DLGAP1: variants seen among roughly 807,000 people sequenced by gnomAD.
DLGAP1 encodes the protein DLG associated protein 1.
In DLGAP1, 11 loss-of-function variants were observed where a neutral mutation model predicts 90.8. The ratio of observed to expected loss-of-function variants is 0.12; its 90% CI spans 0.08 to 0.20. The LOEUF (loss-of-function observed/expected upper bound fraction) is 0.20, where lower values mean the gene tolerates loss of function less well. Ranked by LOEUF, DLGAP1 falls within the 10% of genes least tolerant of loss-of-function variation. The probability of loss-of-function intolerance (pLI) is 1.00; values close to 1 mark genes in which losing one functional copy is unlikely to be tolerated. For missense variants in DLGAP1, 1,050 were observed against 1,333.8 expected (o/e 0.79, Z 3.31); for synonymous variants, 558 against 540.7 (o/e 1.03, Z -0.44).
chr18:4,258,846 G>A (rs1433283952), intron 1 of DLGAP1, among the ~76,000 whole-genome samples: 1 of 151,992 alleles, frequency 6.6e-6, no homozygotes, highest in Non-Finnish European at 1.5e-5. Context: ...ATGAACAAAA[G>A]CCCTGCATGA....
intron 1 of DLGAP1, among the ~76,000 whole-genome samples, chr18:4,336,708 T>C (rs1185138715): frequency 6.6e-6 from 1 of 152,164 alleles, no homozygotes; most frequent in East Asian, 1.9e-4. Context: ...ATTTTACTAT[T>C]AACAGTTGAT....
At chr18:3,870,517 C>T (rs945562466) in intron 4 of DLGAP1, among the ~76,000 whole-genome samples, 1 of 152,112 alleles carries the variant, frequency 6.6e-6, no homozygotes, top group Non-Finnish European at 1.5e-5. Context: ...GCTGCAGTTG[C>T]TCCCATTTAA....
intron 7 of DLGAP1, among the ~76,000 whole-genome samples, chr18:3,600,897 TATATAGATATATAG>T (rs2056941270): frequency 1.6e-5 from 2 of 127,202 alleles, no homozygotes; most frequent in African/African-American, 5.7e-5. Flanking sequence ...TATATAGATA[TATATAGATATATAG>T]ATAGATATAG....
chr18:3,745,865 T>C (rs950443162), intron 5 of DLGAP1, among the ~76,000 whole-genome samples: 3 of 152,002 alleles, frequency 2.0e-5, no homozygotes, highest in Non-Finnish European at 2.9e-5. Flanking sequence ...AATTTTTGTA[T>C]TTTTGTAGAG....
chr18:3,630,147 A>T (rs1360599131), intron 7 of DLGAP1, among the ~76,000 whole-genome samples: 1 of 152,226 alleles, frequency 6.6e-6, no homozygotes, highest in Non-Finnish European at 1.5e-5. Flanking sequence ...CATTGGAATC[A>T]GTAGACTGAG....
intron 1 of DLGAP1, among the ~76,000 whole-genome samples, chr18:4,203,973 C>T (rs1024076336): frequency 1.8e-4 from 27 of 152,158 alleles, no homozygotes; most frequent in African/African-American, 4.6e-4. Context: ...GTAGCATCTC[C>T]GCAAACACAA....
At position 3,898,000 on chromosome 18, in the gene DLGAP1, T is replaced by C. The variant is rs560185581; in HGVS notation, c.-72-17860A>G. ...TAGTAGAGACGGGGTTTCACCTTGT[T>C]AGCCAGGATGGTCTCGATCTCCTGA... On this transcript the variant is annotated intron_variant, in intron 3 of 12. Coordinates refer to ENST00000315677, the MANE Select transcript of DLGAP1 (RefSeq NM_004746.4). 3.0e-3 allele frequency among the ~76,000 whole-genome samples: 449 copies of C among 152,106 alleles called. 3 individuals are homozygous for C. Among genetic ancestry groups the C allele is most frequent in the South Asian group, 0.013 (63 of 4,814 alleles).
intron 7 of DLGAP1, among the ~76,000 whole-genome samples, chr18:3,666,417 CGA>C: frequency 6.6e-6 from 1 of 152,252 alleles, no homozygotes; most frequent in South Asian, 2.1e-4. Flanking sequence ...AAGCCAGACC[CGA>C]GTTTCCTAGG....
intron 2 of DLGAP1, among the ~76,000 whole-genome samples, chr18:4,071,235 T>A (rs2075441748): frequency 2.1e-5 from 1 of 48,394 alleles, no homozygotes; most frequent in Admixed American, 1.3e-4. Context: ...TATAAAGATA[T>A]ACATGTGTGT....
At chr18:3,502,231 CTTAAAGT>C in intron 12 of DLGAP1, 1 of 1,339,438 alleles carries the variant, frequency 7.5e-7, no homozygotes, top group Non-Finnish European at 9.5e-7. Context: ...AATGGTTTAA[CTTAAAGT>C]TTAATTAACA....
intron 2 of DLGAP1, among the ~76,000 whole-genome samples, chr18:4,036,902 C>T (rs2074897118): frequency 6.6e-6 from 1 of 152,214 alleles, no homozygotes. Context: ...TATATTCTAT[C>T]CTTCAAACTC....
At chr18:3,825,261 C>T (rs931477140) in intron 4 of DLGAP1, among the ~76,000 whole-genome samples, 1 of 152,208 alleles carries the variant, frequency 6.6e-6, no homozygotes, top group Non-Finnish European at 1.5e-5. Context: ...TCCACTTCTT[C>T]TGTGACTTTA....
chr18:3,711,525 G>A lies in DLGAP1; in HGVS notation c.1591+17610C>T, dbSNP rs967551579. Among the ~76,000 whole-genome samples the A allele has an allele frequency of 2.0e-5, 3 of 152,224 alleles. No individual in the cohort carries two copies. Among genetic ancestry groups the A allele is most frequent in the African/African-American group, 7.2e-5 (3 of 41,454 alleles). On this transcript the variant is annotated intron_variant, in intron 7 of 12. Coordinates refer to ENST00000315677, the MANE Select transcript of DLGAP1 (RefSeq NM_004746.4). This position sits in a 1 kb window ranked among gnomAD's most constrained non-coding sequence, Gnocchi z 4.0. ...GTATCCCACCCAGATCATCAGCTGT[G>A]TTGACTGTGGTGAGGAATAAGACAG...
chr18:3,785,162 C>T (rs904668505), intron 5 of DLGAP1, among the ~76,000 whole-genome samples: 3 of 152,198 alleles, frequency 2.0e-5, no homozygotes, highest in East Asian at 1.9e-4. Flanking sequence ...TTTCCTGTTG[C>T]TGCTGTAACA....
chr18:3,635,736 A>T (rs1178505853), intron 7 of DLGAP1, among the ~76,000 whole-genome samples: 1 of 151,526 alleles, frequency 6.6e-6, no homozygotes, highest in Non-Finnish European at 1.5e-5. Flanking sequence ...GAAACTGGCA[A>T]TATCCAATTT....
intron 1 of DLGAP1, among the ~76,000 whole-genome samples, chr18:4,280,030 ATTAC>A (rs2079513317): frequency 6.6e-6 from 1 of 152,186 alleles, no homozygotes; most frequent in Admixed American, 6.5e-5. Context: ...TTCTTGCAGT[ATTAC>A]TAACATTTTT....
chr18:3,927,466 A>G (rs1386550201), intron 3 of DLGAP1, among the ~76,000 whole-genome samples: 1 of 152,260 alleles, frequency 6.6e-6, no homozygotes, highest in African/African-American at 2.4e-5. Flanking sequence ...TGTTAAATAT[A>G]ATATATGGCT....
chr18:4,118,019 G>A (rs958405630), intron 2 of DLGAP1, among the ~76,000 whole-genome samples: 1 of 152,024 alleles, frequency 6.6e-6, no homozygotes, highest in African/African-American at 2.4e-5. Context: ...CCAGGGTTAT[G>A]TGGCATCCCA....
chr18:4,020,714 C>G (rs1023157619), intron 2 of DLGAP1, among the ~76,000 whole-genome samples: 20 of 152,128 alleles, frequency 1.3e-4, no homozygotes, highest in African/African-American at 4.8e-4. Context: ...AACTTTGAAA[C>G]AAAGATGATA....
Sources: gnomAD v4.1 joint callset for allele counts (sites outside exome capture counted in the v4.1 genomes callset) on GRCh38, gnomAD v4.1.1 for gene constraint, Gnocchi (gnomAD v3.1) non-coding constraint, MANE v1.5 for transcripts, NCBI Gene and HGNC (gene_info 2026-07-23, HGNC 2026-07-21) for gene names.